Variants in TSPAN18 observed in about 807,000 individuals in gnomAD.
TSPAN18 encodes tetraspanin-18.
Under a neutral mutation model 27.3 loss-of-function variants are expected in TSPAN18, and 14 were observed. That is an observed-to-expected ratio of 0.51 (90% CI 0.34 to 0.80). The LOEUF is 0.80. Among genes scored for constraint, TSPAN18 ranks in the 30% least tolerant of loss-of-function variants. The pLI, the probability that TSPAN18 is intolerant of heterozygous loss-of-function variation, is 0.01. For missense variants in TSPAN18, 268 were observed against 323.9 expected, an observed-to-expected ratio of 0.83 and a Z score of 1.32; for synonymous variants, 143 against 136.5, an observed-to-expected ratio of 1.05 and a Z score of -0.33.
At chr11:44,780,959 A>G (rs1855924428) in intron 2 of TSPAN18, among the ~76,000 whole-genome samples, 1 of 152,198 alleles carries the variant, frequency 6.6e-6, no homozygotes, top group African/African-American at 2.4e-5. Flanking sequence ...TCTGTGGAGT[A>G]CCTGCTTTTC....
intron 2 of TSPAN18, among the ~76,000 whole-genome samples, chr11:44,767,596 A>G (rs532125651): frequency 6.6e-6 from 1 of 152,342 alleles, no homozygotes; most frequent in Admixed American, 6.5e-5. Flanking sequence ...AGAGAAGGCA[A>G]TTTCTATGGA....
rs1228565273 is a variant in TSPAN18, at chr11:44,929,118, T to C, written c.700-13T>C. On this transcript the variant is annotated splice_polypyrimidine_tract_variant and intron_variant, in intron 9 of 9. Transcript: ENST00000520358. ...CTGATAAGCCAGTTCCTGCTCTTTTTCTTTTTTTGCAGCTTTTCGCCATGA... is the reference window on the plus strand; with the variant it reads ...CTGATAAGCCAGTTCCTGCTCTTTTCCTTTTTTTGCAGCTTTTCGCCATGA... 6.2e-7 allele frequency: 1 copy of C among 1,613,272 alleles called. No individual in the cohort carries two copies. The highest frequency in any genetic ancestry group is 1.7e-5 in the Admixed American group (1 of 60,026).
In TSPAN18 at chr11:44,750,984, A is replaced by G. The variant is rs561779360; in HGVS notation, c.-239-13442A>G. Among the ~76,000 whole-genome samples, 15 of 152,304 alleles carry G rather than the reference A, an allele frequency of 9.8e-5. No homozygotes were observed. In the East Asian group the frequency reaches 2.1e-3, roughly 22 times the overall value. ...AAAGCAGGCTGCCCTTTGCTTTATT[A>G]TGGAGGTAATAAACCAATTCTTTAG... On this transcript the variant is annotated intron_variant, in intron 1 of 9. Transcript: ENST00000520358.
intron 1 of TSPAN18, among the ~76,000 whole-genome samples, chr11:44,727,524 G>A (rs1485131802): frequency 1.3e-5 from 2 of 152,232 alleles, no homozygotes; most frequent in Admixed American, 6.5e-5. Context: ...GAGGGCCGGG[G>A]GCTGCGCCCA....
In TSPAN18 at chr11:44,743,275, A is replaced by G. The variant is rs78780990; in HGVS notation, c.-240+15988A>G. ...AGGTTTGCGTCAGGAAAAGTGTGAC[A>G]TTAAAGGCAGAGCATGACAATGTCT... On this transcript the variant is annotated intron_variant, in intron 1 of 9. Transcript: ENST00000520358. 4.4e-3 allele frequency among the ~76,000 whole-genome samples: 675 copies of G among 152,294 alleles called. 7 individuals carry two copies. Among genetic ancestry groups the G allele is most frequent in the African/African-American group, 0.016 (653 of 41,568 alleles).
chr11:44,727,253 G>T lies in TSPAN18; in HGVS notation c.-274G>T, dbSNP rs930531634. The T allele has an allele frequency of 7.9e-5, 12 of 152,008 alleles. No individual in the cohort carries two copies. In the South Asian group the frequency reaches 2.2e-3, roughly 28 times the overall value. 9.4% of individuals were successfully genotyped at this position (152,008 alleles called of 1,614,324 possible). ...AAAGTTTCCCCCCGGCCGCCGGCGG[G>T]ATTTGGCGCGGGGTCCGGCAGCCGC... On this transcript the variant is annotated 5_prime_UTR_variant, in exon 1 of 10. Transcript: ENST00000520358.
chr11:44,785,342 A>G (rs1856029823), intron 2 of TSPAN18, among the ~76,000 whole-genome samples: 1 of 151,968 alleles, frequency 6.6e-6, no homozygotes, highest in Non-Finnish European at 1.5e-5. Flanking sequence ...CGTTACTTTA[A>G]TGTTTTCTAT....
chr11:44,747,016 G>A (rs928928166), intron 1 of TSPAN18, among the ~76,000 whole-genome samples: 2 of 152,224 alleles, frequency 1.3e-5, no homozygotes, highest in Non-Finnish European at 2.9e-5. Flanking sequence ...CGCTGGCCCA[G>A]CCCTGTGTCC....
intron 1 of TSPAN18, among the ~76,000 whole-genome samples, chr11:44,748,902 T>C (rs576787127): frequency 2.3e-4 from 35 of 152,318 alleles, no homozygotes; most frequent in African/African-American, 7.0e-4. Flanking sequence ...AGCTAGAATG[T>C]ATTGAGAGCG....
At chr11:44,795,766 G>A (rs1437781321) in intron 2 of TSPAN18, among the ~76,000 whole-genome samples, 1 of 152,064 alleles carries the variant, frequency 6.6e-6, no homozygotes. Flanking sequence ...GAACCTGACT[G>A]GCTTCCATGT....
At chr11:44,771,851 C>T (rs761749504) in intron 2 of TSPAN18, among the ~76,000 whole-genome samples, 6 of 152,186 alleles carry the variant, frequency 3.9e-5, no homozygotes, top group South Asian at 4.1e-4. Context: ...ATATCAAAGA[C>T]GGTCCTAGAA....
At chr11:44,885,156 C>T (rs1004749805) in intron 3 of TSPAN18, among the ~76,000 whole-genome samples, 2 of 152,122 alleles carry the variant, frequency 1.3e-5, no homozygotes, top group Non-Finnish European at 2.9e-5. Flanking sequence ...ACCAACACCG[C>T]TCTAGACCAG....
chr11:44,843,080 C>CAT (rs1448265701), intron 2 of TSPAN18, among the ~76,000 whole-genome samples: 1 of 152,166 alleles, frequency 6.6e-6, no homozygotes, highest in Non-Finnish European at 1.5e-5. Flanking sequence ...ATGATCCTTC[C>CAT]ATATATATCT....
At chr11:44,920,775 T>C (rs187482586) in intron 8 of TSPAN18, among the ~76,000 whole-genome samples, 3 of 152,054 alleles carry the variant, frequency 2.0e-5, no homozygotes, top group Admixed American at 1.3e-4. Context: ...TCATGGAGAG[T>C]TCCAGATGCA....
At chr11:44,829,653 G>A (rs964147275) in intron 2 of TSPAN18, among the ~76,000 whole-genome samples, 8 of 152,038 alleles carry the variant, frequency 5.3e-5, no homozygotes, top group Admixed American at 3.3e-4. Context: ...ATTAGTGTGC[G>A]GTTTTTTGCG....
chr11:44,924,343 GCCCCA>G (rs1860266009), intron 8 of TSPAN18, among the ~76,000 whole-genome samples: 1 of 152,078 alleles, frequency 6.6e-6, no homozygotes, highest in Non-Finnish European at 1.5e-5. Context: ...AATCTACATG[GCCCCA>G]TTGTACAGAT....
chr11:44,800,994 C>A lies in TSPAN18; in HGVS notation c.-153+36482C>A, dbSNP rs369844021. Among the ~76,000 whole-genome samples, 16 of 152,308 alleles carry A rather than the reference C, an allele frequency of 1.1e-4. No homozygotes were observed. In the East Asian group the frequency reaches 2.1e-3, roughly 20 times the overall value. ...TGACAAGGGCAGAAGCAGGACCAAG[C>A]CTCACATCTTCTGACCCCTAGGCTG... is the stretch of plus-strand genomic sequence containing the variant. On this transcript the variant is annotated intron_variant, in intron 2 of 9. Coordinates refer to ENST00000520358, the MANE Select transcript of TSPAN18 (RefSeq NM_130783.5).
intron 2 of TSPAN18, among the ~76,000 whole-genome samples, chr11:44,814,154 A>AT (rs1010499339): frequency 1.3e-5 from 2 of 152,168 alleles, no homozygotes; most frequent in African/African-American, 4.8e-5. Flanking sequence ...CCCAGACTTC[A>AT]TTTCCTTTAC....
chr11:44,925,955 A>G (rs1433014920), intron 8 of TSPAN18, among the ~76,000 whole-genome samples: 1 of 152,000 alleles, frequency 6.6e-6, no homozygotes, highest in African/African-American at 2.4e-5. Context: ...TCCTATCTCT[A>G]TCTATCTATC....
Sources: gnomAD v4.1 joint callset for allele counts (sites outside exome capture counted in the v4.1 genomes callset) on GRCh38, gnomAD v4.1.1 for gene constraint, MANE v1.5 for transcripts, NCBI Gene and HGNC (gene_info 2026-07-23, HGNC 2026-07-21) for gene names.